IQCN: variants seen among roughly 807,000 people sequenced by gnomAD.
IQCN encodes the protein IQ domain-containing protein N.
Under a neutral mutation model 64.4 loss-of-function variants are expected in IQCN, and 46 were observed. That is an observed-to-expected ratio of 0.71 (90% CI 0.56 to 0.91). IQCN has a LOEUF of 0.91. Among genes scored for constraint, IQCN ranks in the 40% least tolerant of loss-of-function variants. IQCN has a pLI of 0.00. For missense variants in IQCN, 1,753 were observed against 1,857.4 expected (o/e 0.94, Z 1.03); for synonymous variants, 733 against 775.6 (o/e 0.95, Z 0.91).
rs772889466 is a variant in IQCN at position 18,265,081 on chromosome 19, C to G, written c.2459G>C (p.Gly820Ala). The stretch of plus-strand genomic sequence containing the variant: ...GACCTCACAGGCTGCCGGGCATGGT[C>G]CCCCCTGAGTGGTCTTCCCCGGCAC... The part of the protein sequence containing the change: ...GHVPGKTTQG[G>A]PCPAACEVQG... Residue 820 changes from glycine to alanine, a missense_variant, in exon 3 of 4, where the codon GGA (glycine) becomes GCA (alanine). Transcript: ENST00000392413. This position sits in a 1 kb window ranked among gnomAD's most constrained non-coding sequence, Gnocchi z 4.7. 5.0e-6 allele frequency: 8 copies of G among 1,601,462 alleles called. No individual in the cohort carries two copies. The Admixed American group carries it at 1.2e-4, about 23-fold the overall frequency.
At position 18,257,751 on chromosome 19, in the gene IQCN, T is replaced by C; in HGVS notation, c.3533A>G (p.Asp1178Gly). Reference sequence around the variant, plus strand: ...GAGCATCTGCCAGTGCCGGGCTTGGTCCCGGCGGGTGCTGTAGCCGCGCCA... The same window carrying C: ...GAGCATCTGCCAGTGCCGGGCTTGGCCCCGGCGGGTGCTGTAGCCGCGCCA... ...SAWRGYSTRRDQARHWQMLHP... is the reference protein window; with the variant it reads ...SAWRGYSTRRGQARHWQMLHP... Residue 1178 changes from aspartate (D) to glycine (G), a missense_variant, in exon 4 of 4, where the codon GAC (aspartate) becomes GGC (glycine). Coordinates refer to ENST00000392413, the MANE Select transcript of IQCN (RefSeq NM_001145304.2). 6.2e-7 allele frequency: 1 copy of C among 1,610,856 alleles called. No homozygotes were observed. The highest frequency in any genetic ancestry group is 8.5e-7 in the Non-Finnish European group (1 of 1,178,784).
chr19:18,270,227 G>A (rs1168337354), intron 1 of IQCN, among the ~76,000 whole-genome samples: 1 of 151,510 alleles, frequency 6.6e-6, no homozygotes, highest in Non-Finnish European at 1.5e-5. Context: ...CAGGCATAGT[G>A]GTTGACGCCT....
rs563992773 is a variant in IQCN, at chr19:18,267,531, G to A, written c.14-5C>T. 3.4e-5 allele frequency: 52 copies of A among 1,513,406 alleles called. No homozygotes were observed. The South Asian group carries it at 7.0e-4, about 20-fold the overall frequency. The allele number at this position is 1,513,406 out of a possible 1,614,324, so 93.7% of individuals were successfully genotyped here. ...TACCGGACAGGTCAGCTCTGCCTGTGGGGGCGGCAGGGGGTGGTCAGGGTG... is the reference window on the plus strand; with the variant it reads ...TACCGGACAGGTCAGCTCTGCCTGTAGGGGCGGCAGGGGGTGGTCAGGGTG... On this transcript the variant is annotated splice_polypyrimidine_tract_variant and splice_region_variant and intron_variant, in intron 2 of 3. Coordinates refer to ENST00000392413, the MANE Select transcript of IQCN (RefSeq NM_001145304.2).
chr19:18,264,518 C>A lies in IQCN; in HGVS notation c.3022G>T (p.Ala1008Ser). 6.4e-7 allele frequency: 1 copy of A among 1,551,442 alleles called. No homozygotes were observed. Among genetic ancestry groups the A allele is most frequent in the Non-Finnish European group, 8.7e-7 (1 of 1,146,954 alleles). ...ALLSQSWCRV[A>S]LRTGTILPKA... ...GGGAGGATGGTTCCAGTCCTCAGGGCCACCCGACACCAAGACTGGCTCAGG... is the reference window on the plus strand; with the variant it reads ...GGGAGGATGGTTCCAGTCCTCAGGGACACCCGACACCAAGACTGGCTCAGG... The change falls in exon 3 of 4, where the codon GCC (alanine) becomes TCC (serine). Residue 1008 changes from alanine (A) to serine (S), a missense_variant. Transcript: ENST00000392413. This position sits in a 1 kb window ranked among gnomAD's most constrained non-coding sequence, Gnocchi z 4.3.
At position 18,266,274 on chromosome 19, in the gene IQCN, G is replaced by C. The variant is rs778574567; in HGVS notation, c.1266C>G (p.Thr422=). 3 of 1,613,696 alleles carry C rather than the reference G, an allele frequency of 1.9e-6. No individual in the cohort carries two copies. In the South Asian group the frequency reaches 3.3e-5, roughly 18 times the overall value. ...TGTPRQTCPA[T]ITAKNRPQVS... ...CCTGAGGTCGGTTCTTTGCCGTGAT[G>C]GTCGCAGGGCATGTCTGCCGTGGGG... The change falls in exon 3 of 4, where the codon ACC becomes ACG. Residue 422 remains threonine (T), a synonymous_variant. Transcript: ENST00000392413. The surrounding 1 kb of genome is among the most constrained non-coding windows in gnomAD (Gnocchi z 4.3).
chr19:18,272,674 C>CA (rs1568284106), intron 1 of IQCN, among the ~76,000 whole-genome samples: 1 of 150,764 alleles, frequency 6.6e-6, no homozygotes, highest in African/African-American at 2.5e-5. Context: ...GCACTGGCAC[C>CA]ATCTCGGCTC....
At position 18,265,569 on chromosome 19, in the gene IQCN, C is replaced by G. The variant is rs1231893126; in HGVS notation, c.1971G>C (p.Leu657=). The G allele has an allele frequency of 1.1e-5, 17 of 1,611,630 alleles. No homozygotes were observed. The highest frequency in any genetic ancestry group is 1.4e-5 in the Non-Finnish European group (17 of 1,178,390). Residue 657 remains leucine, a synonymous_variant, in exon 3 of 4, where the codon CTG becomes CTC. Coordinates refer to ENST00000392413, the MANE Select transcript of IQCN (RefSeq NM_001145304.2). The surrounding 1 kb of genome is among the most constrained non-coding windows in gnomAD (Gnocchi z 4.7). ...GTGGGGCAGCCAGCTGTCCCCGGGG[C>G]AGGGTGACAGCCATGTCTACAGGCA... ...VYVPVDMAVT[L]PRGQLAAPLT... is the part of the protein sequence containing the mutation.
Position 18,257,937 on chromosome 19 carries a change from G to A in IQCN, c.3347C>T (p.Ala1116Val), listed in dbSNP as rs982546551. ...GACGCCCGCCTGGATAGTGATCACT[G>A]CGAGGATGCGGATCTCCTCTGCAGC... The part of the protein sequence containing the change: ...MQAAEEIRIL[A>V]VITIQAGVRG... The change falls in exon 4 of 4, where the codon GCA becomes GTA. Residue 1116 changes from alanine to valine, a missense_variant. By Grantham distance (64) the Ala-to-Val change is moderately conservative (BLOSUM62 0). Coordinates refer to ENST00000392413, the MANE Select transcript of IQCN (RefSeq NM_001145304.2). 16 of 1,612,910 alleles carry A rather than the reference G, an allele frequency of 9.9e-6. No homozygotes were observed. The highest frequency in any genetic ancestry group is 1.4e-5 in the Non-Finnish European group (16 of 1,179,946).
chr19:18,265,936 GC>G lies in IQCN; in HGVS notation c.1603del (p.Ala535ArgfsTer2). On this transcript the variant is annotated frameshift_variant, in exon 3 of 4. Transcript: ENST00000392413. LOFTEE classifies it high-confidence loss of function. This position sits in a 1 kb window ranked among gnomAD's most constrained non-coding sequence, Gnocchi z 4.7. ...VANVKAPPQV[A>X]VAAGTPNTSG... ...GGTGTTGGGAGTTCCGGCTGCTACC[GC>G]CACTTGGGGTGGAGCCTTGACATTT... 1 of 1,614,210 alleles carries G rather than the reference GC, an allele frequency of 6.2e-7. No homozygotes were observed. Among genetic ancestry groups the G allele is most frequent in the East Asian group, 2.2e-5 (1 of 44,890 alleles).
At chr19:18,274,180 C>A (rs184288278) in intron 1 of IQCN, among the ~76,000 whole-genome samples, 1 of 152,254 alleles carries the variant, frequency 6.6e-6, no homozygotes, top group Admixed American at 6.5e-5. Flanking sequence ...ACCATCAAGG[C>A]TTTAGAGGTC....
intron 1 of IQCN, among the ~76,000 whole-genome samples, chr19:18,272,800 C>T (rs141314019): frequency 0.011 from 1,611 of 151,652 alleles, 36 homozygotes; most frequent in African/African-American, 0.037. Context: ...TTAGTAGAGA[C>T]GGGGTTTCAC....
chr19:18,265,355 C>T lies in IQCN; in HGVS notation c.2185G>A (p.Val729Ile). The T allele has an allele frequency of 6.2e-7, 1 of 1,614,108 alleles. No individual in the cohort carries two copies. Among genetic ancestry groups the T allele is most frequent in the East Asian group, 2.2e-5 (1 of 44,884 alleles). ...QTHLATGAVKVQSQAPLATCL... is the reference protein window; with the variant it reads ...QTHLATGAVKIQSQAPLATCL... ...GTGGCTAGAGGCGCTTGGGACTGGA[C>T]CTTCACGGCACCTGTGGCCAGATGT... The change falls in exon 3 of 4, where the codon GTC becomes ATC. Residue 729 changes from valine to isoleucine, a missense_variant. Transcript: ENST00000392413. The surrounding 1 kb of genome is among the most constrained non-coding windows in gnomAD (Gnocchi z 4.7).
Position 18,264,886 on chromosome 19 carries a change from G to A in IQCN, c.2654C>T (p.Ala885Val). ...SLLASLCAEVAGVLASQEDLR... is the reference protein window; with the variant it reads ...SLLASLCAEVVGVLASQEDLR... Reference sequence around the variant, plus strand: ...ATCCTCCTGGGATGCCAGCACACCAGCTACTTCAGCACACAAGGAGGCCAG... The same window carrying A: ...ATCCTCCTGGGATGCCAGCACACCAACTACTTCAGCACACAAGGAGGCCAG... Residue 885 changes from alanine (A) to valine (V), a missense_variant, in exon 3 of 4, where the codon GCT becomes GTT. Coordinates refer to ENST00000392413, the MANE Select transcript of IQCN (RefSeq NM_001145304.2). This position sits in a 1 kb window ranked among gnomAD's most constrained non-coding sequence, Gnocchi z 4.3. 6.2e-7 allele frequency: 1 copy of A among 1,613,008 alleles called. No individual in the cohort carries two copies. Among genetic ancestry groups the A allele is most frequent in the Non-Finnish European group, 8.5e-7 (1 of 1,179,784 alleles).
chr19:18,263,194 T>C (rs1969467804), intron 3 of IQCN, among the ~76,000 whole-genome samples: 1 of 152,224 alleles, frequency 6.6e-6, no homozygotes, highest in African/African-American at 2.4e-5. Flanking sequence ...TCTAAACTGC[T>C]TTCCCGTGAC....
In IQCN at chr19:18,258,800, T is replaced by A. The variant is rs146673285; in HGVS notation, c.3178-694A>T. On this transcript the variant is annotated intron_variant, in intron 3 of 3. Coordinates refer to ENST00000392413, the MANE Select transcript of IQCN (RefSeq NM_001145304.2). Reference sequence around the variant, plus strand: ...GTATGACGTGAGTGACAGACCCCTGTTGATAAACTGAGGGGGACTTAGTGG... The same window carrying A: ...GTATGACGTGAGTGACAGACCCCTGATGATAAACTGAGGGGGACTTAGTGG... 2.9e-3 allele frequency: 618 copies of A among 212,492 alleles called. 2 individuals carry two copies. Among genetic ancestry groups the A allele is most frequent in the Non-Finnish European group, 4.5e-3 (464 of 103,564 alleles). The allele number at this position is 212,492 out of a possible 1,614,324, so 13.2% of individuals were successfully genotyped here.
At chr19:18,263,806 C>G (rs1422621496) in intron 3 of IQCN, among the ~76,000 whole-genome samples, 1 of 152,150 alleles carries the variant, frequency 6.6e-6, no homozygotes, top group Non-Finnish European at 1.5e-5. Flanking sequence ...GCCCTCCCAC[C>G]ACCCACGCTG....
rs1194472124 is a variant in IQCN at position 18,265,806 on chromosome 19, C to T, written c.1734G>A (p.Gly578=). 6.2e-6 allele frequency: 10 copies of T among 1,614,184 alleles called. No homozygotes were observed. Among genetic ancestry groups the T allele is most frequent in the Non-Finnish European group, 7.6e-6 (9 of 1,180,036 alleles). The part of the protein sequence containing the change: ...KASSPSYLAE[G]KIRCLAQPHP... ...GTGGTTGAGCCAGGCACCTGATCTT[C>T]CCCTCAGCCAAATAGGAGGGGGATG... The change falls in exon 3 of 4, where the codon GGG becomes GGA. Residue 578 remains glycine, a synonymous_variant. Coordinates refer to ENST00000392413, the MANE Select transcript of IQCN (RefSeq NM_001145304.2). The surrounding 1 kb of genome is among the most constrained non-coding windows in gnomAD (Gnocchi z 4.7).
At chr19:18,267,614 C>T in intron 2 of IQCN, 88 bp from the exon 3 acceptor site, 1 of 1,436,922 alleles carries the variant, frequency 7.0e-7, no homozygotes, top group African/African-American at 1.4e-5. Context: ...CCCCCCAGGC[C>T]CAGATCTTGT....
rs745447746 is a variant in IQCN, at chr19:18,266,993, A to G, written c.547T>C (p.Ser183Pro). Reference sequence around the variant, plus strand: ...TCCTTGTTCACCATGATGGGCGGGGACAGAAGGCGGTTCTCTTCCGGATGC... The same window carrying G: ...TCCTTGTTCACCATGATGGGCGGGGGCAGAAGGCGGTTCTCTTCCGGATGC... ...FQHPEENRLL[S>P]PPIMVNKETQ... is the part of the protein sequence containing the mutation. Residue 183 changes from serine (S) to proline (P), a missense_variant, in exon 3 of 4, where the codon TCC (serine) becomes CCC (proline). By Grantham distance (74) the Ser-to-Pro change is moderately conservative (BLOSUM62 -1). Transcript: ENST00000392413. This position sits in a 1 kb window ranked among gnomAD's most constrained non-coding sequence, Gnocchi z 4.3. 3 of 1,613,986 alleles carry G rather than the reference A, an allele frequency of 1.9e-6. No individual in the cohort carries two copies. In the African/African-American group the frequency reaches 4.0e-5, roughly 22 times the overall value.
Sources: gnomAD v4.1 joint callset for allele counts (sites outside exome capture counted in the v4.1 genomes callset) on GRCh38, gnomAD v4.1.1 for gene constraint, Gnocchi (gnomAD v3.1) non-coding constraint, MANE v1.5 for transcripts, NCBI Gene and HGNC (gene_info 2026-07-23, HGNC 2026-07-21) for gene names.